Variants in ATP8B4 observed in about 807,000 individuals in gnomAD.
The protein encoded by ATP8B4 is ATPase phospholipid transporting 8B4 (putative), also known as probable phospholipid-transporting ATPase IM.
In ATP8B4, 133 loss-of-function variants were observed where a neutral mutation model predicts 145.6. The observed-to-expected ratio is 0.91, with a 90% CI of 0.79 to 1.05. The LOEUF (loss-of-function observed/expected upper bound fraction) is 1.05, where lower values mean the gene tolerates loss of function less well. Among genes scored for constraint, ATP8B4 ranks in the 50% least tolerant of loss-of-function variants. The probability of loss-of-function intolerance (pLI) is 0.00; values close to 1 mark genes in which losing one functional copy is unlikely to be tolerated. For missense variants in ATP8B4, 1,458 were observed against 1,425.2 expected, an observed-to-expected ratio of 1.02 and a Z score of -0.37; for synonymous variants, 507 against 492.9, an observed-to-expected ratio of 1.03 and a Z score of -0.38.
At chr15:50,153,617 A>G (rs796600069) in intron 1 of ATP8B4, among the ~76,000 whole-genome samples, 56 of 148,912 alleles carry the variant, frequency 3.8e-4, no homozygotes, top group Middle Eastern at 6.8e-3. Flanking sequence ...GATTACAGGC[A>G]TGAGCCACTG....
At position 49,858,456 on chromosome 15, in the gene ATP8B4, A is replaced by G. The variant is rs922312840; in HGVS notation, c.*1738T>C. 1 of 152,216 alleles carries G rather than the reference A, an allele frequency of 6.6e-6. No individual in the cohort carries two copies. Among genetic ancestry groups the G allele is most frequent in the Admixed American group, 6.5e-5 (1 of 15,276 alleles). The allele number at this position is 152,216 out of a possible 1,614,324, so 9.4% of individuals were successfully genotyped here. A position where few individuals can be genotyped will look rare whatever the true frequency, so the allele number is the denominator to read the frequency against. ...TACACATATTATTTCATTTGATCCC[A>G]TTTAGGAAAGATTATCCCAGACTTG... On this transcript the variant is annotated 3_prime_UTR_variant, in exon 28 of 28. Transcript: ENST00000284509.
chr15:50,060,790 T>C (rs1210099926), intron 3 of ATP8B4, among the ~76,000 whole-genome samples: 1 of 152,134 alleles, frequency 6.6e-6, no homozygotes, highest in East Asian at 1.9e-4. Flanking sequence ...AGTTTTGTGG[T>C]GGGGCCCGAG....
intron 6 of ATP8B4, among the ~76,000 whole-genome samples, chr15:50,021,448 C>G (rs1033601853): frequency 6.6e-6 from 1 of 152,178 alleles, no homozygotes; most frequent in African/African-American, 2.4e-5. Flanking sequence ...CAGCACTCCC[C>G]TTTATCACAA....
chr15:49,920,312 A>G lies in ATP8B4; in HGVS notation c.1857T>C (p.Asn619=), dbSNP rs754558391. The change falls in exon 18 of 28, where the codon AAT becomes AAC. Residue 619 remains asparagine (N), a synonymous_variant. Coordinates refer to ENST00000284509, the MANE Select transcript of ATP8B4 (RefSeq NM_024837.4). ...KEWHKMLEDA[N]AATEERDERI... is the part of the protein sequence containing the mutation. ...GTTCATCCCTCTCTTCTGTGGCAGC[A>G]TTCGCATCTTCAAGCATCTTATGCC... 1 of 1,614,096 alleles carries G rather than the reference A, an allele frequency of 6.2e-7. No individual in the cohort carries two copies. The highest frequency in any genetic ancestry group is 1.3e-5 in the African/African-American group (1 of 74,918).
chr15:50,103,783 A>T (rs909493315), intron 2 of ATP8B4, among the ~76,000 whole-genome samples: 1 of 152,198 alleles, frequency 6.6e-6, no homozygotes, highest in Non-Finnish European at 1.5e-5. Flanking sequence ...AAGCAAGACT[A>T]AGCAAAAAGA....
At chr15:49,956,573 T>G (rs1290493790) in intron 14 of ATP8B4, among the ~76,000 whole-genome samples, 1 of 152,134 alleles carries the variant, frequency 6.6e-6, no homozygotes, top group South Asian at 2.1e-4. Flanking sequence ...AGACAGAGTA[T>G]CACTCTCACC....
chr15:50,173,002 CG>C (rs1470755819), intron 1 of ATP8B4, among the ~76,000 whole-genome samples: 1 of 147,948 alleles, frequency 6.8e-6, no homozygotes, highest in African/African-American at 2.5e-5. Flanking sequence ...CCGCCCCGTC[CG>C]GGAGGTGGGG....
intron 1 of ATP8B4, among the ~76,000 whole-genome samples, chr15:50,130,551 C>T (rs192760876): frequency 5.3e-5 from 8 of 151,922 alleles, no homozygotes; most frequent in Admixed American, 3.3e-4. Context: ...CTGAGGCGAG[C>T]GGATCACAAG....
intron 19 of ATP8B4, 77 bp from the exon 20 acceptor site, chr15:49,917,116 G>T: frequency 7.2e-7 from 1 of 1,395,736 alleles, no homozygotes; most frequent in Non-Finnish European, 1.0e-6. Context: ...AGTTTTGAGG[G>T]CTTAGCTGTA....
At chr15:49,989,549 C>T (rs74582044) in intron 9 of ATP8B4, among the ~76,000 whole-genome samples, 2,836 of 152,244 alleles carry the variant, frequency 0.019, 90 homozygotes, top group African/African-American at 0.065. Flanking sequence ...GAGGCAAATA[C>T]AGCCTTAAAC....
In ATP8B4 at chr15:49,897,416, A is replaced by G. The variant is rs112565041; in HGVS notation, c.2573T>C (p.Leu858Pro). 1 of 1,613,974 alleles carries G rather than the reference A, an allele frequency of 6.2e-7. No homozygotes were observed. The highest frequency in any genetic ancestry group is 1.1e-5 in the South Asian group (1 of 91,066). The part of the protein sequence containing the change: ...FAQFRYLQRL[L>P]LVHGRWSYFR... The stretch of plus-strand genomic sequence containing the variant: ...ATAAGACCACCTTCCATGAACAAGG[A>G]GAAGCCTTTGGAGATATCTAAACTG... The change falls in exon 23 of 28, where the codon CTC (leucine) becomes CCC (proline). Residue 858 changes from leucine (L) to proline (P), a missense_variant. Transcript: ENST00000284509.
At chr15:49,907,310 G>A (rs1249795558) in intron 20 of ATP8B4, among the ~76,000 whole-genome samples, 1 of 152,190 alleles carries the variant, frequency 6.6e-6, no homozygotes, top group African/African-American at 2.4e-5. Flanking sequence ...TTCTATTCTT[G>A]CATGCCTGAG....
chr15:50,166,741 A>T (rs2044603260), intron 1 of ATP8B4, among the ~76,000 whole-genome samples: 1 of 152,208 alleles, frequency 6.6e-6, no homozygotes, highest in African/African-American at 2.4e-5. Context: ...AACTGGGAAC[A>T]CAGTTGAGTC....
rs1310213465 is a variant in ATP8B4, at chr15:49,979,717, A to G, written c.934T>C (p.Trp312Arg). 2 of 1,610,284 alleles carry G rather than the reference A, an allele frequency of 1.2e-6. No individual in the cohort carries two copies. The highest frequency in any genetic ancestry group is 3.3e-5 in the Admixed American group (2 of 59,950). Residue 312 changes from tryptophan to arginine, a missense_variant, in exon 12 of 28, where the codon TGG (tryptophan) becomes CGG (arginine). Trp to Arg is a moderately radical substitution (Grantham distance 101). Coordinates refer to ENST00000284509, the MANE Select transcript of ATP8B4 (RefSeq NM_024837.4). ...TGDQFRTFLF[W>R]NEGEKSSVFS... ...ACAGAGCTCTTCTCTCCTTCATTCC[A>G]AAAGAGGAAAGTTCTGAATTGGTCC...
At chr15:49,957,803 A>T (rs895001478) in intron 14 of ATP8B4, among the ~76,000 whole-genome samples, 2 of 151,938 alleles carry the variant, frequency 1.3e-5, no homozygotes, top group Admixed American at 1.3e-4. Flanking sequence ...AATATATATG[A>T]CCTATGATCA....
intron 6 of ATP8B4, among the ~76,000 whole-genome samples, chr15:50,021,649 T>A (rs2049582032): frequency 6.6e-6 from 1 of 152,188 alleles, no homozygotes; most frequent in South Asian, 2.1e-4. Flanking sequence ...TCACTCTCTA[T>A]CCTATTCCCC....
At chr15:49,975,175 T>C (rs1215757799) in intron 12 of ATP8B4, among the ~76,000 whole-genome samples, 1 of 152,180 alleles carries the variant, frequency 6.6e-6, no homozygotes, top group Non-Finnish European at 1.5e-5. Context: ...AGAACTGATA[T>C]TTTATAAACT....
intron 13 of ATP8B4, among the ~76,000 whole-genome samples, chr15:49,970,222 T>C (rs1052215614): frequency 6.6e-6 from 1 of 152,202 alleles, no homozygotes; most frequent in East Asian, 1.9e-4. Flanking sequence ...AAGACAAGGA[T>C]GCTCTCTCTC....
At chr15:49,960,393 A>T (rs904231642) in intron 14 of ATP8B4, among the ~76,000 whole-genome samples, 1 of 152,230 alleles carries the variant, frequency 6.6e-6, no homozygotes, top group African/African-American at 2.4e-5. Context: ...AAAATTCAGT[A>T]ATAGACCTAG....
Sources: allele counts gnomAD v4.1 joint callset (sites outside exome capture counted in the v4.1 genomes callset), GRCh38; gene constraint gnomAD v4.1.1; transcripts MANE v1.5; gene names NCBI Gene and HGNC (gene_info 2026-07-23, HGNC 2026-07-21).